MCPH1: variants seen among roughly 807,000 people sequenced by gnomAD.
The protein encoded by MCPH1 is microcephalin.
MCPH1 carries 104 observed loss-of-function variants against 84.5 expected under a neutral mutation model. The ratio of observed to expected loss-of-function variants is 1.23; its 90% CI spans 1.05 to 1.45. MCPH1 has a LOEUF of 1.45. MCPH1 is among the 40% of genes most tolerant of loss of function. The pLI, the probability that MCPH1 is intolerant of heterozygous loss-of-function variation, is 0.00. For missense variants in MCPH1, 1,498 were observed against 1,005.7 expected (o/e 1.49, Z -6.62); for synonymous variants, 514 against 366.8 (o/e 1.40, Z -4.58).
At chr8:6,577,927 T>A (rs1827244102) in intron 12 of MCPH1, among the ~76,000 whole-genome samples, 1 of 152,216 alleles carries the variant, frequency 6.6e-6, no homozygotes, top group African/African-American at 2.4e-5. Context: ...GGTCAAACCC[T>A]TCCGAGATGG....
At chr8:6,568,580 A>G (rs1826410011) in intron 12 of MCPH1, among the ~76,000 whole-genome samples, 1 of 152,160 alleles carries the variant, frequency 6.6e-6, no homozygotes, top group Non-Finnish European at 1.5e-5. Context: ...TGCTTTTCCA[A>G]CCTGTACCAT....
rs116778566 is a variant in MCPH1, at chr8:6,499,428, G to T, written c.2137-424G>T. Among the ~76,000 whole-genome samples, 1,339 of 152,170 alleles carry T rather than the reference G, an allele frequency of 8.8e-3. 18 individuals are homozygous for T. Among genetic ancestry groups the T allele is most frequent in the African/African-American group, 0.03 (1,256 of 41,528 alleles). On this transcript the variant is annotated intron_variant, in intron 11 of 13. Coordinates refer to ENST00000344683, the MANE Select transcript of MCPH1 (RefSeq NM_024596.5). ...TAGAAACAAAGTCACAAGCCAAAGG[G>T]ATTGCTTTTGAATTTAGGCTTGTGA...
Position 6,444,842 on chromosome 8 carries a change from A to G in MCPH1, c.1120A>G (p.Lys374Glu). 1.2e-6 allele frequency: 2 copies of G among 1,614,192 alleles called. No individual in the cohort carries two copies. The highest frequency in any genetic ancestry group is 1.7e-6 in the Non-Finnish European group (2 of 1,180,048). Residue 374 changes from lysine (K) to glutamate (E), a missense_variant, in exon 8 of 14, where the codon AAG becomes GAG. By Grantham distance (56) the Lys-to-Glu change is moderately conservative. Coordinates refer to ENST00000344683, the MANE Select transcript of MCPH1 (RefSeq NM_024596.5). The stretch of plus-strand genomic sequence containing the variant: ...ACCTCCGAAGGAAAAATGCAAGAGA[A>G]AGAGGAGCACCAGGAGATCTATCAT... ...HSPPKEKCKR[K>E]RSTRRSIMPR...
chr8:6,643,815 T>G lies in MCPH1; in HGVS notation c.*766T>G, dbSNP rs930082718. 6.6e-6 allele frequency: 1 copy of G among 152,240 alleles called. No homozygotes were observed. The highest frequency in any genetic ancestry group is 1.5e-5 in the Non-Finnish European group (1 of 68,092). The allele number at this position is 152,240 out of a possible 1,614,324, so 9.4% of individuals were successfully genotyped here. On this transcript the variant is annotated 3_prime_UTR_variant, in exon 14 of 14. Coordinates refer to ENST00000344683, the MANE Select transcript of MCPH1 (RefSeq NM_024596.5). ...GTATGGGGGGTGTTATACAGGATAA[T>G]TGGTGACATCTGAGTGTCTTACTTC...
chr8:6,465,579 C>G (rs60399917), intron 9 of MCPH1, among the ~76,000 whole-genome samples: 1 of 152,122 alleles, frequency 6.6e-6, no homozygotes, highest in African/African-American at 2.4e-5. Context: ...AGAAATGCTC[C>G]CCGGGTCCTC....
chr8:6,461,065 T>A (rs1369052827), intron 9 of MCPH1, among the ~76,000 whole-genome samples: 1 of 152,166 alleles, frequency 6.6e-6, no homozygotes, highest in Non-Finnish European at 1.5e-5. Flanking sequence ...AGAGAAATGA[T>A]TTTTGAGATG....
In MCPH1 at chr8:6,622,058, T is replaced by A. The variant is rs966147877; in HGVS notation, c.2452+367T>A. 1.7e-5 allele frequency: 6 copies of A among 362,754 alleles called. 1 individual carries two copies. The highest frequency in any genetic ancestry group is 1.3e-4 in the South Asian group (6 of 45,604). 22.5% of individuals were successfully genotyped at this position (362,754 alleles called of 1,614,324 possible). A position where few individuals can be genotyped will look rare whatever the true frequency, so the allele number is the denominator to read the frequency against. ...GTGCCTCCTTGTCCTGCTTCAGGAGTCCCTGGCAGCGCCCGGCACTGGGGC... is the reference window on the plus strand; with the variant it reads ...GTGCCTCCTTGTCCTGCTTCAGGAGACCCTGGCAGCGCCCGGCACTGGGGC... On this transcript the variant is annotated intron_variant, in intron 13 of 13. Coordinates refer to ENST00000344683, the MANE Select transcript of MCPH1 (RefSeq NM_024596.5).
At chr8:6,489,714 G>C (rs906964952) in intron 11 of MCPH1, among the ~76,000 whole-genome samples, 2 of 152,208 alleles carry the variant, frequency 1.3e-5, no homozygotes, top group African/African-American at 4.8e-5. Flanking sequence ...TGTGAAGTGT[G>C]ACTCGAGCCT....
chr8:6,487,885 A>G (rs2440426), intron 11 of MCPH1, among the ~76,000 whole-genome samples: 149,624 of 152,350 alleles, frequency 0.98, 73,534 homozygotes, highest in East Asian at 1. Flanking sequence ...TAATTAGTGA[A>G]TTTAGTGATG....
At chr8:6,523,094 T>C (rs1300066176) in intron 12 of MCPH1, among the ~76,000 whole-genome samples, 2 of 151,794 alleles carry the variant, frequency 1.3e-5, no homozygotes, top group Non-Finnish European at 1.5e-5. Flanking sequence ...ACCTCCCAGG[T>C]TCAAGCTATT....
At chr8:6,494,292 A>G (rs1810995998) in intron 11 of MCPH1, 2 of 152,186 alleles carry the variant, frequency 1.3e-5, no homozygotes, top group Non-Finnish European at 2.9e-5. Flanking sequence ...CATAGCCCAC[A>G]TTCTTTCTAG....
intron 12 of MCPH1, among the ~76,000 whole-genome samples, chr8:6,506,487 C>G (rs377627747): frequency 6.6e-6 from 1 of 152,166 alleles, no homozygotes; most frequent in Non-Finnish European, 1.5e-5. Context: ...TCCTGAGAAG[C>G]TCAGCACATA....
chr8:6,594,972 C>G (rs191467068), intron 12 of MCPH1, among the ~76,000 whole-genome samples: 312 of 152,278 alleles, frequency 2.0e-3, no homozygotes, highest in Non-Finnish European at 3.7e-3. Flanking sequence ...TTCTAATCTA[C>G]TTTTGACTTA....
At chr8:6,412,048 ATAAAACTT>A (rs1239205387) in intron 2 of MCPH1, among the ~76,000 whole-genome samples, 1 of 152,182 alleles carries the variant, frequency 6.6e-6, no homozygotes, top group African/African-American at 2.4e-5. Flanking sequence ...TGCTGTGGGT[ATAAAACTT>A]AAGAGGCGCT....
rs757307649 is a variant in MCPH1, at chr8:6,521,375, T to C, written c.2214+21446T>C. 95 of 1,613,424 alleles carry C rather than the reference T, an allele frequency of 5.9e-5. No homozygotes were observed. Among genetic ancestry groups the C allele is most frequent in the Middle Eastern group, 1.6e-4 (1 of 6,080 alleles). On this transcript the variant is annotated intron_variant, in intron 12 of 13. Transcript: ENST00000344683. ...TATTGACTGTAGTTGGATGATGTGC[T>C]TGTCTTCCATAGCTAGCACCTTCTT...
intron 13 of MCPH1, chr8:6,626,563 C>T: frequency 2.0e-6 from 2 of 977,686 alleles, no homozygotes; most frequent in South Asian, 9.6e-5. Flanking sequence ...AAATCAAATT[C>T]CCGGCCCTAG....
intron 12 of MCPH1, among the ~76,000 whole-genome samples, chr8:6,608,796 C>G (rs1192337133): frequency 6.6e-6 from 1 of 152,194 alleles, no homozygotes; most frequent in African/African-American, 2.4e-5. Flanking sequence ...ATGGTAAAAT[C>G]TTTTCTCAGC....
intron 9 of MCPH1, among the ~76,000 whole-genome samples, chr8:6,476,651 C>G (rs879697966): frequency 1.3e-5 from 2 of 152,124 alleles, no homozygotes; most frequent in African/African-American, 2.4e-5. Flanking sequence ...AGTCCTTCCC[C>G]AAATACGTAG....
At chr8:6,498,625 C>G (rs764639149) in intron 11 of MCPH1, among the ~76,000 whole-genome samples, 2 of 152,134 alleles carry the variant, frequency 1.3e-5, no homozygotes, top group Non-Finnish European at 2.9e-5. Context: ...GAATGCCGCA[C>G]GCATTTTTAA....
Sources: gnomAD v4.1 joint callset for allele counts (sites outside exome capture counted in the v4.1 genomes callset) on GRCh38, gnomAD v4.1.1 for gene constraint, MANE v1.5 for transcripts, NCBI Gene and HGNC (gene_info 2026-07-23, HGNC 2026-07-21) for gene names.